Variants in IFFO2 observed in about 807,000 individuals in gnomAD.
IFFO2 encodes the protein intermediate filament family orphan 2.
A neutral mutation model predicts 53.5 loss-of-function variants in IFFO2; 19 were observed. The observed-to-expected ratio is 0.36, with a 90% CI of 0.25 to 0.52. IFFO2 has a LOEUF of 0.52. Ranked by LOEUF, IFFO2 falls within the 20% of genes least tolerant of loss-of-function variation. The pLI, the probability that IFFO2 is intolerant of heterozygous loss-of-function variation, is 0.94. For missense variants in IFFO2, 570 were observed against 727.4 expected (o/e 0.78, Z 2.49); for synonymous variants, 303 against 313.6 (o/e 0.97, Z 0.36).
chr1:18,913,856 G>A (rs901207020), intron 5 of IFFO2, among the ~76,000 whole-genome samples: 4 of 152,246 alleles, frequency 2.6e-5, no homozygotes, highest in East Asian at 3.9e-4. Flanking sequence ...TGTTTGAGAC[G>A]GAGTCTCGCT....
intron 1 of IFFO2, among the ~76,000 whole-genome samples, chr1:18,955,325 CATCTGCGAGATGAGG>C (rs1199343847): frequency 1.3e-5 from 2 of 152,208 alleles, no homozygotes; most frequent in Non-Finnish European, 2.9e-5. Context: ...TCGGTTTCCT[CATCTGCGAGATGAGG>C]ATAAGACTGC....
At position 18,918,018 on chromosome 1, in the gene IFFO2, A is replaced by C. The variant is rs1936160642; in HGVS notation, c.963+344T>G. ...ATGCCCAGTTCTGGCACCCAGAGGAAGGGGCAGGAAGCGGGACAATGGGTA... is the reference window on the plus strand; with the variant it reads ...ATGCCCAGTTCTGGCACCCAGAGGACGGGGCAGGAAGCGGGACAATGGGTA... On this transcript the variant is annotated intron_variant, in intron 4 of 8. Transcript: ENST00000455833. The surrounding 1 kb of genome is among the most constrained non-coding windows in gnomAD (Gnocchi z 5.2). Among the ~76,000 whole-genome samples the C allele has an allele frequency of 6.6e-6, 1 of 152,200 alleles. No homozygotes were observed. The highest frequency in any genetic ancestry group is 1.5e-5 in the Non-Finnish European group (1 of 68,034).
intron 1 of IFFO2, among the ~76,000 whole-genome samples, chr1:18,939,011 C>A (rs1033407394): frequency 6.6e-6 from 1 of 152,214 alleles, no homozygotes; most frequent in Non-Finnish European, 1.5e-5. Context: ...GCTAGTGTCC[C>A]CCTGGCAACT....
At position 18,917,598 on chromosome 1, in the gene IFFO2, C is replaced by T. The variant is rs1936151777; in HGVS notation, c.964-556G>A. Among the ~76,000 whole-genome samples the T allele has an allele frequency of 1.3e-5, 2 of 152,182 alleles. No individual in the cohort carries two copies. The highest frequency in any genetic ancestry group is 6.5e-5 in the Admixed American group (1 of 15,282). On this transcript the variant is annotated intron_variant, in intron 4 of 8. Transcript: ENST00000455833. This position sits in a 1 kb window ranked among gnomAD's most constrained non-coding sequence, Gnocchi z 5.9. The stretch of plus-strand genomic sequence containing the variant: ...GAAGGCATGGAGGTGGAGAGAGGGC[C>T]CCAGGGAGGCCCAGATCTGGCCCAG...
chr1:18,913,803 C>T (rs952914632), intron 5 of IFFO2, among the ~76,000 whole-genome samples: 8 of 130,412 alleles, frequency 6.1e-5, no homozygotes, highest in East Asian at 4.7e-4. Context: ...TCAGAGGTTT[C>T]GTTGTTTGTT....
intron 6 of IFFO2, 105 bp downstream of exon 6, chr1:18,911,858 G>T: frequency 7.1e-7 from 1 of 1,400,768 alleles, no homozygotes; most frequent in Non-Finnish European, 9.7e-7. Flanking sequence ...CAGTTTAGCT[G>T]TGTGGTGGGG....
intron 1 of IFFO2, among the ~76,000 whole-genome samples, chr1:18,952,993 C>T (rs1936678500): frequency 6.6e-6 from 1 of 152,232 alleles, no homozygotes; most frequent in Admixed American, 6.5e-5. Context: ...CCTAAGTTGT[C>T]CTTTGGGGAA....
intron 1 of IFFO2, among the ~76,000 whole-genome samples, chr1:18,951,266 A>C (rs1936656374): frequency 6.6e-6 from 1 of 152,174 alleles, no homozygotes; most frequent in African/African-American, 2.4e-5. Flanking sequence ...CGAGTCTCCC[A>C]AGGCGCCCTG....
chr1:18,946,938 T>C (rs574330081), intron 1 of IFFO2, among the ~76,000 whole-genome samples: 2 of 152,338 alleles, frequency 1.3e-5, no homozygotes, highest in South Asian at 4.1e-4. Context: ...GTTTATTGTG[T>C]TCCTACTATC....
Sources: gnomAD v4.1 joint callset for allele counts (sites outside exome capture counted in the v4.1 genomes callset) on GRCh38, gnomAD v4.1.1 for gene constraint, Gnocchi (gnomAD v3.1) non-coding constraint, MANE v1.5 for transcripts, NCBI Gene and HGNC (gene_info 2026-07-23, HGNC 2026-07-21) for gene names.